CTNNA2: variants seen among roughly 807,000 people sequenced by gnomAD.
The protein encoded by CTNNA2 is catenin alpha 2.
In CTNNA2, 42 loss-of-function variants were observed where a neutral mutation model predicts 101.0. The observed-to-expected ratio is 0.42, with a 90% CI of 0.32 to 0.54. The LOEUF (loss-of-function observed/expected upper bound fraction) is 0.54, where lower values mean the gene tolerates loss of function less well. Among genes scored for constraint, CTNNA2 ranks in the 20% least tolerant of loss-of-function variants. CTNNA2 has a pLI of 0.14. For missense variants in CTNNA2, 871 were observed against 1,223.1 expected, an observed-to-expected ratio of 0.71 and a Z score of 4.29; for synonymous variants, 450 against 456.4, an observed-to-expected ratio of 0.99 and a Z score of 0.18.
intron 3 of CTNNA2, among the ~76,000 whole-genome samples, chr2:79,754,529 G>A (rs1672267681): frequency 6.6e-6 from 1 of 152,082 alleles, no homozygotes; most frequent in South Asian, 2.1e-4. Context: ...GCACAGTGTG[G>A]GGATGGTGGG....
At chr2:80,601,174 A>G (rs955762826) in intron 15 of CTNNA2, among the ~76,000 whole-genome samples, 4 of 152,066 alleles carry the variant, frequency 2.6e-5, no homozygotes, top group Non-Finnish European at 4.4e-5. Context: ...CACTCATGTC[A>G]ATTCTGTCAT....
chr2:79,357,676 C>T (rs1286985389), intron 3 of CTNNA2, among the ~76,000 whole-genome samples: 1 of 152,034 alleles, frequency 6.6e-6, no homozygotes, highest in East Asian at 1.9e-4. Context: ...TACCTGAGCA[C>T]ATCATGCAAA....
intron 18 of CTNNA2, among the ~76,000 whole-genome samples, chr2:80,627,176 C>T (rs1055517623): frequency 5.3e-5 from 8 of 151,520 alleles, no homozygotes; most frequent in South Asian, 2.1e-4. Context: ...AATAAACATA[C>T]GTGTGTGTGT....
chr2:79,621,933 G>A (rs926510783), intron 1 of CTNNA2, among the ~76,000 whole-genome samples: 1 of 152,150 alleles, frequency 6.6e-6, no homozygotes, highest in African/African-American at 2.4e-5. Context: ...TACCTGATGA[G>A]TATTTCTCAA....
intron 2 of CTNNA2, among the ~76,000 whole-genome samples, chr2:79,236,554 C>CAA (rs1674559846): frequency 6.6e-6 from 1 of 152,188 alleles, no homozygotes; most frequent in Non-Finnish European, 1.5e-5. Context: ...CTTTCTTCTA[C>CAA]AAAAGATTTC....
chr2:80,152,521 T>A (rs551931058), intron 7 of CTNNA2, among the ~76,000 whole-genome samples: 8 of 152,222 alleles, frequency 5.3e-5, no homozygotes, highest in African/African-American at 7.2e-5. Context: ...AGAAGTTTGT[T>A]TGTTTTTCAT....
intron 6 of CTNNA2, among the ~76,000 whole-genome samples, chr2:79,876,089 G>T (rs2104076940): frequency 6.6e-6 from 1 of 152,284 alleles, no homozygotes; most frequent in South Asian, 2.1e-4. Context: ...TTACTTGTCA[G>T]TAAATGATAT....
Position 79,383,455 on chromosome 2 carries a change from T to C in CTNNA2, c.-135+9442T>C, listed in dbSNP as rs1678062072. 2.6e-5 allele frequency among the ~76,000 whole-genome samples: 4 copies of C among 152,184 alleles called. No homozygotes were observed. The South Asian group carries it at 8.3e-4, about 32-fold the overall frequency. On this transcript the variant is annotated intron_variant, in intron 4 of 21. Coordinates refer to the CTNNA2 transcript ENST00000466387. ...GGGACTGGGGGAGGGTGAATTACTTTGTAGTTTCTGTGTAGAAACTAGAAT... is the reference window on the plus strand; with the variant it reads ...GGGACTGGGGGAGGGTGAATTACTTCGTAGTTTCTGTGTAGAAACTAGAAT...
At chr2:80,149,624 C>T (rs17018704) in intron 7 of CTNNA2, among the ~76,000 whole-genome samples, 3,364 of 152,224 alleles carry the variant, frequency 0.022, 124 homozygotes, top group African/African-American at 0.075. Flanking sequence ...AGCATACTTA[C>T]GTAACTGTAG....
intron 7 of CTNNA2, among the ~76,000 whole-genome samples, chr2:79,954,118 C>A (rs1344683318): frequency 6.6e-6 from 1 of 152,076 alleles, no homozygotes; most frequent in African/African-American, 2.4e-5. Flanking sequence ...TCACAGGCAG[C>A]AGGAGAGAAG....
chr2:79,817,729 A>T (rs1426280870), intron 3 of CTNNA2, among the ~76,000 whole-genome samples: 2 of 152,174 alleles, frequency 1.3e-5, no homozygotes, highest in East Asian at 3.9e-4. Flanking sequence ...ATTTTGTCCA[A>T]GTCAGAGGAT....
rs767623788 is a variant in CTNNA2, at chr2:79,744,572, G to A, written c.288G>A (p.Val96=). Residue 96 remains valine, a synonymous_variant, in exon 3 of 19, where the codon GTG becomes GTA. Coordinates refer to ENST00000402739, the MANE Select transcript of CTNNA2 (RefSeq NM_001282597.3). ...AGTTGGTGGCTGCTGTAGAGGATGT[G>A]CGCAAACAAGGTAGGCAGAATGATA... is the stretch of plus-strand genomic sequence containing the variant. ...KEELVAAVED[V]RKQGETMRIA... is the part of the protein sequence containing the mutation. 1 of 1,613,572 alleles carries A rather than the reference G, an allele frequency of 6.2e-7. No homozygotes were observed. Among genetic ancestry groups the A allele is most frequent in the Non-Finnish European group, 8.5e-7 (1 of 1,179,682 alleles).
chr2:80,416,230 G>A (rs1055219350), intron 8 of CTNNA2, among the ~76,000 whole-genome samples: 3 of 152,024 alleles, frequency 2.0e-5, no homozygotes, highest in Non-Finnish European at 2.9e-5. Flanking sequence ...AAAAAAAAAG[G>A]TAGCTATATG....
At chr2:80,255,697 G>C (rs184817428) in intron 7 of CTNNA2, among the ~76,000 whole-genome samples, 79 of 152,272 alleles carry the variant, frequency 5.2e-4, no homozygotes, top group African/African-American at 1.7e-3. Context: ...TAAGTTGAAA[G>C]AAAGCTATAT....
chr2:79,398,829 C>A (rs1678258620), intron 4 of CTNNA2, among the ~76,000 whole-genome samples: 1 of 143,924 alleles, frequency 6.9e-6, no homozygotes. Context: ...AAGTCTGCCA[C>A]AATCTGAGAA....
At chr2:79,477,801 G>A (rs1429848859) in intron 4 of CTNNA2, among the ~76,000 whole-genome samples, 1 of 152,132 alleles carries the variant, frequency 6.6e-6, no homozygotes, top group Non-Finnish European at 1.5e-5. Flanking sequence ...ATAAATACAT[G>A]GGAATTTATG....
Position 80,302,508 on chromosome 2 carries a change from A to G in CTNNA2, c.1057-90703A>G. 1 of 1,613,302 alleles carries G rather than the reference A, an allele frequency of 6.2e-7. No homozygotes were observed. The highest frequency in any genetic ancestry group is 8.5e-7 in the Non-Finnish European group (1 of 1,180,034). ...AGCACCAGGACCACGATGAGGAAGG[A>G]GAAGATGAGGGCCATGGTGCCCGTG... On this transcript the variant is annotated intron_variant, in intron 7 of 18. Transcript: ENST00000402739. This position sits in a 1 kb window ranked among gnomAD's most constrained non-coding sequence, Gnocchi z 6.4.
At chr2:79,242,989 T>TACAC (rs1443193633) in intron 2 of CTNNA2, among the ~76,000 whole-genome samples, 60 of 92,144 alleles carry the variant, frequency 6.5e-4, no homozygotes, top group African/African-American at 1.5e-3. Flanking sequence ...TATATATATA[T>TACAC]ATATACACAC....
At chr2:79,688,878 T>C (rs528948252) in intron 2 of CTNNA2, among the ~76,000 whole-genome samples, 86 of 152,124 alleles carry the variant, frequency 5.7e-4, no homozygotes, top group African/African-American at 2.0e-3. Flanking sequence ...AACTATTTTC[T>C]ATGGTTTATA....
Sources: allele counts gnomAD v4.1 joint callset (sites outside exome capture counted in the v4.1 genomes callset), GRCh38; gene constraint gnomAD v4.1.1; non-coding constraint Gnocchi (gnomAD v3.1); transcripts MANE v1.5; gene names NCBI Gene and HGNC (gene_info 2026-07-23, HGNC 2026-07-21).